SMAP2: variants seen among roughly 807,000 people sequenced by gnomAD.
SMAP2 encodes the protein stromal membrane-associated protein 2.
SMAP2 carries 25 observed loss-of-function variants against 56.4 expected under a neutral mutation model. The ratio of observed to expected loss-of-function variants is 0.44; its 90% CI spans 0.32 to 0.62. SMAP2 has a LOEUF of 0.62. SMAP2 is among the 20% of genes least tolerant of loss of function. SMAP2 has a pLI of 0.04. For synonymous variants in SMAP2, 157 were observed against 181.7 expected (o/e 0.86, Z 1.09); for missense variants, 388 against 545.6 (o/e 0.71, Z 2.88).
chr1:40,388,021 G>T (rs892535277), intron 1 of SMAP2, among the ~76,000 whole-genome samples: 9 of 152,198 alleles, frequency 5.9e-5, no homozygotes, highest in Non-Finnish European at 1.0e-4. Flanking sequence ...GGGTGTGCTG[G>T]GTCCCCCAGC....
At chr1:40,352,815 A>G (rs1050177231) in intron 1 of SMAP2, among the ~76,000 whole-genome samples, 3 of 152,146 alleles carry the variant, frequency 2.0e-5, no homozygotes, top group South Asian at 2.1e-4. Flanking sequence ...GGTGTGAGCC[A>G]CCACACGCGG....
intron 1 of SMAP2, chr1:40,396,857 C>T (rs914824395): frequency 1.6e-5 from 16 of 984,902 alleles, no homozygotes; most frequent in Non-Finnish European, 2.4e-6. Flanking sequence ...TTCAGTGAAT[C>T]AGAGAATGGA....
intron 1 of SMAP2, among the ~76,000 whole-genome samples, chr1:40,391,293 A>G (rs563660456): frequency 6.6e-6 from 1 of 152,352 alleles, no homozygotes; most frequent in South Asian, 2.1e-4. Context: ...GTAAGCATGC[A>G]TTAAGTGTAT....
chr1:40,387,041 C>T (rs1467488214), intron 1 of SMAP2, among the ~76,000 whole-genome samples: 1 of 151,998 alleles, frequency 6.6e-6, no homozygotes, highest in Non-Finnish European at 1.5e-5. Flanking sequence ...TTAGTACAGA[C>T]AGGGTTTTGC....
rs1200621267 is a variant in SMAP2, at chr1:40,385,760, T to C, written c.103+11537T>C. Among the ~76,000 whole-genome samples, 1 of 152,258 alleles carries C rather than the reference T, an allele frequency of 6.6e-6. No individual in the cohort carries two copies. The highest frequency in any genetic ancestry group is 1.5e-5 in the Non-Finnish European group (1 of 68,046). On this transcript the variant is annotated intron_variant, in intron 1 of 9. Coordinates refer to ENST00000372718, the MANE Select transcript of SMAP2 (RefSeq NM_022733.3). This position sits in a 1 kb window ranked among gnomAD's most constrained non-coding sequence, Gnocchi z 4.5. Reference sequence around the variant, plus strand: ...CTACCACAGAGCTTACATCTTTAGATGTGGGTTTACATGTTAATCCTACAA... The same window carrying C: ...CTACCACAGAGCTTACATCTTTAGACGTGGGTTTACATGTTAATCCTACAA...
In SMAP2 at chr1:40,409,825, A is replaced by G. The variant is rs780352575; in HGVS notation, c.392A>G (p.Asn131Ser). The change falls in exon 4 of 10, where the codon AAT becomes AGT. Residue 131 changes from asparagine to serine, a missense_variant. Asn to Ser is a conservative substitution (Grantham distance 46, BLOSUM62 1). Transcript: ENST00000372718. Reference sequence around the variant, plus strand: ...TACATGGACCGAAGTCTGGACATCAATGCCTTTAGGGTTGGTTATACATCT... The same window carrying G: ...TACATGGACCGAAGTCTGGACATCAGTGCCTTTAGGGTTGGTTATACATCT... Reference protein sequence around the residue: ...KKYMDRSLDINAFRKEKDDKW... With the variant: ...KKYMDRSLDISAFRKEKDDKW... 34 of 1,609,148 alleles carry G rather than the reference A, an allele frequency of 2.1e-5. No homozygotes were observed. Among genetic ancestry groups the G allele is most frequent in the South Asian group, 1.8e-4 (16 of 90,972 alleles).
In SMAP2 at chr1:40,422,134, C is replaced by T. The variant is rs1470908910; in HGVS notation, c.*33C>T. Reference sequence around the variant, plus strand: ...ACACCTGTATGGCTGCCATTCTCTTCAGCCCTCGCTCTCCCCTTTCCACAG... The same window carrying T: ...ACACCTGTATGGCTGCCATTCTCTTTAGCCCTCGCTCTCCCCTTTCCACAG... On this transcript the variant is annotated 3_prime_UTR_variant, in exon 10 of 10. Transcript: ENST00000372718. 1 of 1,611,450 alleles carries T rather than the reference C, an allele frequency of 6.2e-7. No individual in the cohort carries two copies. The highest frequency in any genetic ancestry group is 1.7e-5 in the Admixed American group (1 of 59,886).
At chr1:40,352,041 G>A (rs1029648783) in intron 1 of SMAP2, among the ~76,000 whole-genome samples, 12 of 151,940 alleles carry the variant, frequency 7.9e-5, no homozygotes, top group African/African-American at 2.7e-4. Context: ...TTTTCTTTTT[G>A]TAAAGTGAAA....
chr1:40,394,293 A>G (rs1569874803), intron 1 of SMAP2, among the ~76,000 whole-genome samples: 1 of 152,314 alleles, frequency 6.6e-6, no homozygotes, highest in East Asian at 1.9e-4. Context: ...TGAATCTTCA[A>G]GTAACCATGT....
intron 1 of SMAP2, among the ~76,000 whole-genome samples, chr1:40,384,929 T>C (rs1232829932): frequency 6.6e-6 from 1 of 152,200 alleles, no homozygotes; most frequent in Non-Finnish European, 1.5e-5. Flanking sequence ...CACTGCTGTG[T>C]TTGACTATTC....
intron 2 of SMAP2, among the ~76,000 whole-genome samples, chr1:40,365,926 CCAAAGG>C (rs1239578622): frequency 1.4e-5 from 2 of 147,790 alleles, no homozygotes; most frequent in African/African-American, 5.0e-5. Context: ...GACATTCAAA[CCAAAGG>C]CAAAGAAGTT....
intron 1 of SMAP2, among the ~76,000 whole-genome samples, chr1:40,399,905 A>G (rs1644815187): frequency 1.3e-5 from 2 of 152,182 alleles, no homozygotes; most frequent in Admixed American, 1.3e-4. Flanking sequence ...AGCTGAAACA[A>G]AATTGGCTAG....
At chr1:40,375,863 C>T in intron 1 of SMAP2, 1 of 711,386 alleles carries the variant, frequency 1.4e-6, no homozygotes, top group Non-Finnish European at 1.7e-6. Context: ...CTTATACTTA[C>T]TCATATTCCA....
At chr1:40,413,613 T>A (rs2124362588) in intron 5 of SMAP2, among the ~76,000 whole-genome samples, 1 of 152,320 alleles carries the variant, frequency 6.6e-6, no homozygotes, top group South Asian at 2.1e-4. Flanking sequence ...ACATAAAAAC[T>A]TGGAATCTTG....
At chr1:40,352,446 T>C (rs1644412938) in intron 1 of SMAP2, among the ~76,000 whole-genome samples, 2 of 152,206 alleles carry the variant, frequency 1.3e-5, no homozygotes, top group African/African-American at 4.8e-5. Context: ...AGAACTCCAC[T>C]CTGTCAAGGC....
At chr1:40,401,965 C>G (rs879385826) in intron 1 of SMAP2, among the ~76,000 whole-genome samples, 1 of 152,192 alleles carries the variant, frequency 6.6e-6, no homozygotes, top group Admixed American at 6.5e-5. Flanking sequence ...TTGCTTGATG[C>G]TGCCCACGCC....
At chr1:40,387,322 A>G (rs1644666920) in intron 1 of SMAP2, among the ~76,000 whole-genome samples, 1 of 152,308 alleles carries the variant, frequency 6.6e-6, no homozygotes, top group South Asian at 2.1e-4. Context: ...CTCTTGCCCA[A>G]TTGTTAATAT....
At chr1:40,362,891 C>T (rs1010601889) in intron 2 of SMAP2, among the ~76,000 whole-genome samples, 1 of 152,284 alleles carries the variant, frequency 6.6e-6, no homozygotes, top group African/African-American at 2.4e-5. Flanking sequence ...CCTCCTCCAG[C>T]TTGGAGCAGC....
At position 40,416,920 on chromosome 1, in the gene SMAP2, G is replaced by T. The variant is rs1272064743; in HGVS notation, c.988G>T (p.Val330Phe). The change falls in exon 9 of 10, where the codon GTT becomes TTT. Residue 330 changes from valine to phenylalanine, a missense_variant. Transcript: ENST00000372718. Reference protein sequence around the residue: ...MVAQPGASGMVAPMAMPAGYM... With the variant: ...MVAQPGASGMFAPMAMPAGYM... ...TGCTCAGCCAGGAGCTTCTGGGATG[G>T]TTGCCCCCATGGCCATGCCTGCAGG... 1 of 1,614,198 alleles carries T rather than the reference G, an allele frequency of 6.2e-7. No individual in the cohort carries two copies. Among genetic ancestry groups the T allele is most frequent in the African/African-American group, 1.3e-5 (1 of 75,056 alleles).
Sources: allele counts gnomAD v4.1 joint callset (sites outside exome capture counted in the v4.1 genomes callset), GRCh38; gene constraint gnomAD v4.1.1; non-coding constraint Gnocchi (gnomAD v3.1); transcripts MANE v1.5; gene names NCBI Gene and HGNC (gene_info 2026-07-23, HGNC 2026-07-21).